C16orf78: variants seen among roughly 807,000 people sequenced by gnomAD.
C16orf78 encodes the protein uncharacterized protein C16orf78.
Under a neutral mutation model 27.3 loss-of-function variants are expected in C16orf78, and 19 were observed. The observed-to-expected ratio is 0.70, with a 90% confidence interval of 0.49 to 1.02. The LOEUF (loss-of-function observed/expected upper bound fraction) is 1.02. C16orf78 is among the 50% of genes least tolerant of loss of function. The pLI is 0.00. For missense variants in C16orf78, 339 were observed against 337.0 expected, an observed-to-expected ratio of 1.01 and a Z score of -0.05; for synonymous variants, 130 against 116.1, an observed-to-expected ratio of 1.12 and a Z score of -0.77.
At chr16:49,386,600 C>T (rs2151613525) in intron 3 of C16orf78, among the ~76,000 whole-genome samples, 1 of 152,296 alleles carries the variant, frequency 6.6e-6, no homozygotes, top group African/African-American at 2.4e-5. Flanking sequence ...CCTCCTCCCA[C>T]CCTCCACCCT....
At chr16:49,389,558 C>T (rs997500565) in intron 3 of C16orf78, among the ~76,000 whole-genome samples, 17 of 151,906 alleles carry the variant, frequency 1.1e-4, no homozygotes, top group Non-Finnish European at 1.9e-4. Flanking sequence ...ATTGCACCAC[C>T]GCACTCCAGC....
At position 49,384,264 on chromosome 16, in the gene C16orf78, C is replaced by T. The variant is rs1185649731; in HGVS notation, c.394+5671C>T. On this transcript the variant is annotated intron_variant, in intron 3 of 4. Transcript: ENST00000299191. ...TCAGGAGGCTGAGGCAGGAGAATCA[C>T]TTGAACCCAGGAGGCAGAGGTTGCA... Among the ~76,000 whole-genome samples, 3 of 149,256 alleles carry T rather than the reference C, an allele frequency of 2.0e-5. No homozygotes were observed. The East Asian group carries it at 6.0e-4, about 30-fold the overall frequency.
At chr16:49,380,481 G>T (rs1211895193) in intron 3 of C16orf78, among the ~76,000 whole-genome samples, 2 of 152,176 alleles carry the variant, frequency 1.3e-5, no homozygotes, top group African/African-American at 2.4e-5. Context: ...TCCTGGTCCT[G>T]TTGGGCCCTG....
At chr16:49,391,953 A>G (rs1468654194) in intron 3 of C16orf78, among the ~76,000 whole-genome samples, 3 of 152,182 alleles carry the variant, frequency 2.0e-5, no homozygotes, top group African/African-American at 7.2e-5. Context: ...CCTGTCAAGG[A>G]CCAGCTACCA....
intron 3 of C16orf78, among the ~76,000 whole-genome samples, chr16:49,384,000 G>A (rs1439987589): frequency 6.6e-6 from 1 of 152,062 alleles, no homozygotes; most frequent in Non-Finnish European, 1.5e-5. Flanking sequence ...AAATGAAATA[G>A]GAAAACAATA....
At chr16:49,393,027 G>GT (rs1395119889) in intron 3 of C16orf78, among the ~76,000 whole-genome samples, 2 of 152,190 alleles carry the variant, frequency 1.3e-5, no homozygotes, top group East Asian at 1.9e-4. Flanking sequence ...CATGTAAGAT[G>GT]TCCCTTGCTC....
chr16:49,392,405 A>G, intron 3 of C16orf78, among the ~76,000 whole-genome samples: 1 of 152,228 alleles, frequency 6.6e-6, no homozygotes, highest in East Asian at 1.9e-4. Flanking sequence ...AAGTAATTTA[A>G]AATAAAATCT....
Position 49,399,393 on chromosome 16 carries a change from A to G in C16orf78, c.*115A>G. ...TTCCAACTTAGTGCATCCCTTTAGA[A>G]AGTAAGCAATCAGAAAACAAGCCTC... is the stretch of plus-strand genomic sequence containing the variant. On this transcript the variant is annotated 3_prime_UTR_variant, in exon 5 of 5. Coordinates refer to ENST00000299191, the MANE Select transcript of C16orf78 (RefSeq NM_144602.4). 4.7e-6 allele frequency: 6 copies of G among 1,269,984 alleles called. No individual in the cohort carries two copies. In the South Asian group the frequency reaches 8.9e-5, roughly 19 times the overall value. 78.7% of individuals were successfully genotyped at this position (1,269,984 alleles called of 1,614,324 possible).
rs1389319564 is a variant in C16orf78 at position 49,378,584 on chromosome 16, A to C, written c.385A>C (p.Lys129Gln). The C allele has an allele frequency of 2.4e-5, 39 of 1,613,824 alleles. No individual in the cohort carries two copies. Among genetic ancestry groups the C allele is most frequent in the Non-Finnish European group, 3.3e-5 (39 of 1,179,952 alleles). Residue 129 changes from lysine (K) to glutamine (Q), a missense_variant, in exon 3 of 5, where the codon AAG becomes CAG. By Grantham distance (53) the Lys-to-Gln change is moderately conservative. Transcript: ENST00000299191. ...TGGCAGCTACATCAAGGATGGCCCC[A>C]AGAAATCTGGTAAGGGAAAAACCTT... ...VPGSYIKDGP[K>Q]KSDTDIKDAV...
At position 49,384,194 on chromosome 16, in the gene C16orf78, C is replaced by A. The variant is rs188224914; in HGVS notation, c.394+5601C>A. ...AGAAACCCCATCTTTACTAAAAATACAAAGTTAGCTGGTTGTGGTGGTGCG... is the reference window on the plus strand; with the variant it reads ...AGAAACCCCATCTTTACTAAAAATAAAAAGTTAGCTGGTTGTGGTGGTGCG... On this transcript the variant is annotated intron_variant, in intron 3 of 4. Transcript: ENST00000299191. Among the ~76,000 whole-genome samples the A allele has an allele frequency of 7.0e-4, 106 of 151,850 alleles. 2 individuals are homozygous for A. The highest frequency in any genetic ancestry group is 2.4e-3 in the African/African-American group (101 of 41,432).
intron 2 of C16orf78, 114 bp downstream of exon 2, chr16:49,377,964 A>G: frequency 1.5e-6 from 2 of 1,371,788 alleles, no homozygotes; most frequent in Non-Finnish European, 2.0e-6. Context: ...AGGCTCCGAA[A>G]TTCACTCTGG....
rs1278053057 is a variant in C16orf78 at position 49,374,027 on chromosome 16, G to A, written c.88G>A (p.Asp30Asn). Residue 30 changes from aspartate to asparagine, a missense_variant, in exon 1 of 5, where the codon GAC becomes AAC. By Grantham distance (23) the Asp-to-Asn change is conservative (BLOSUM62 1). Coordinates refer to ENST00000299191, the MANE Select transcript of C16orf78 (RefSeq NM_144602.4). ...GACTGCTGAAGATAGGCGCATGTCT[G>A]ACCTCACCTGTGTGCTGGAGTGGCT... Reference protein sequence around the residue: ...WKTAEDRRMSDLTCVLEWLER... With the variant: ...WKTAEDRRMSNLTCVLEWLER... 1.9e-6 allele frequency: 3 copies of A among 1,614,178 alleles called. No homozygotes were observed. The East Asian group carries it at 6.7e-5, about 36-fold the overall frequency.
rs539968473 is a variant in C16orf78, at chr16:49,377,959, C to G, written c.270+109C>G. 2.8e-5 allele frequency: 39 copies of G among 1,387,428 alleles called. No individual in the cohort carries two copies. In the African/African-American group the frequency reaches 4.8e-4, roughly 17 times the overall value. The allele number at this position is 1,387,428 out of a possible 1,614,324, so 85.9% of individuals were successfully genotyped here. A position where few individuals can be genotyped will look rare whatever the true frequency, so the allele number is the denominator to read the frequency against. On this transcript the variant is annotated intron_variant, in intron 2 of 4. Coordinates refer to ENST00000299191, the MANE Select transcript of C16orf78 (RefSeq NM_144602.4). Reference sequence around the variant, plus strand: ...TGCCTACTTTCTAAATTTCAAGGCTCCGAAATTCACTCTGGCCCCACATTA... The same window carrying G: ...TGCCTACTTTCTAAATTTCAAGGCTGCGAAATTCACTCTGGCCCCACATTA...
intron 1 of C16orf78, among the ~76,000 whole-genome samples, chr16:49,374,647 C>A (rs1019215237): frequency 6.6e-6 from 1 of 152,172 alleles, no homozygotes; most frequent in Admixed American, 6.5e-5. Context: ...CTCCTACTGC[C>A]CTCAGCTCTT....
intron 4 of C16orf78, among the ~76,000 whole-genome samples, chr16:49,397,020 C>T (rs17197349): frequency 0.12 from 18,938 of 152,302 alleles, 1,559 homozygotes; most frequent in Middle Eastern, 0.21. Context: ...GATTTCCCTA[C>T]GATCCTTTGC....
intron 3 of C16orf78, among the ~76,000 whole-genome samples, chr16:49,395,347 T>A (rs152670): frequency 0.11 from 16,642 of 152,200 alleles, 2,698 homozygotes; most frequent in African/African-American, 0.35. Context: ...AATATTAAGG[T>A]GTCCAAGCTC....
intron 3 of C16orf78, among the ~76,000 whole-genome samples, chr16:49,389,457 G>A (rs1047886283): frequency 4.6e-5 from 7 of 151,852 alleles, no homozygotes; most frequent in South Asian, 2.1e-4. Flanking sequence ...TTAGCCAAGC[G>A]TGGTGACACA....
chr16:49,396,554 G>A lies in C16orf78; in HGVS notation c.526G>A (p.Asp176Asn), dbSNP rs754926704. The A allele has an allele frequency of 7.5e-6, 12 of 1,610,722 alleles. No homozygotes were observed. The African/African-American group carries it at 1.7e-4, about 22-fold the overall frequency. ...CAGCCAGAGGGCAACCTTCATAAGA[G>A]ACTGGTCCAACAAGATGCCTGACAT... The part of the protein sequence containing the change: ...FNSQRATFIR[D>N]WSNKMPDMAY... Residue 176 changes from aspartate (D) to asparagine (N), a missense_variant, in exon 4 of 5, where the codon GAC becomes AAC. Coordinates refer to ENST00000299191, the MANE Select transcript of C16orf78 (RefSeq NM_144602.4).
At chr16:49,390,704 C>T (rs946205712) in intron 3 of C16orf78, among the ~76,000 whole-genome samples, 29 of 152,290 alleles carry the variant, frequency 1.9e-4, no homozygotes, top group African/African-American at 3.4e-4. Context: ...CGGCTTGTGC[C>T]GATTAGTCCT....
Sources: gnomAD v4.1 joint callset for allele counts (sites outside exome capture counted in the v4.1 genomes callset) on GRCh38, gnomAD v4.1.1 for gene constraint, MANE v1.5 for transcripts, NCBI Gene and HGNC (gene_info 2026-07-23, HGNC 2026-07-21) for gene names.